Variants in PIK3R6 observed in about 807,000 individuals in gnomAD.
PIK3R6 encodes the protein phosphoinositide 3-kinase regulatory subunit 6.
A neutral mutation model predicts 84.9 loss-of-function variants in PIK3R6; 91 were observed. That is an observed-to-expected ratio of 1.07 (90% CI 0.90 to 1.28). The LOEUF (loss-of-function observed/expected upper bound fraction) is 1.28, where lower values mean the gene tolerates loss of function less well. Ranked by LOEUF, PIK3R6 falls within the 50% of genes most tolerant of loss-of-function variation. The pLI, the probability that PIK3R6 is intolerant of heterozygous loss-of-function variation, is 0.00. For missense variants in PIK3R6, 996 were observed against 985.1 expected (o/e 1.01, Z -0.15); for synonymous variants, 416 against 411.4 (o/e 1.01, Z -0.13).
Position 8,819,923 on chromosome 17 carries a change from A to T in PIK3R6, c.1880-725T>A, listed in dbSNP as rs1003641747. ...GTGTATACATACATATATATATTTT[A>T]TATATATATATATATTTTTATATAT... is the stretch of plus-strand genomic sequence containing the variant. On this transcript the variant is annotated intron_variant, in intron 17 of 19. Transcript: ENST00000619866. 7.7e-3 allele frequency among the ~76,000 whole-genome samples: 604 copies of T among 78,408 alleles called. 4 individuals are homozygous for T. The highest frequency in any genetic ancestry group is 0.036 in the African/African-American group (552 of 15,474). The allele number at this position is 78,408 out of a possible 152,430, so 51.4% of individuals were successfully genotyped here.
intron 2 of PIK3R6, among the ~76,000 whole-genome samples, chr17:8,843,609 G>A (rs1473857065): frequency 1.3e-5 from 2 of 151,880 alleles, no homozygotes; most frequent in Non-Finnish European, 2.9e-5. Flanking sequence ...GGCTTGCTAT[G>A]TGTTTTGTTT....
chr17:8,823,282 G>T, intron 14 of PIK3R6, 105 bp downstream of exon 14: 1 of 887,592 alleles, frequency 1.1e-6, no homozygotes. Context: ...AAGAGCGTCT[G>T]GGTGTGTTCA....
intron 10 of PIK3R6, 53 bp downstream of exon 10, chr17:8,829,649 TACAC>T (rs1450168347): frequency 8.0e-6 from 12 of 1,491,190 alleles, no homozygotes; most frequent in Middle Eastern, 3.4e-4. Context: ...CATGCACGCA[TACAC>T]ACACAGACAC....
rs548317730 is a variant in PIK3R6, at chr17:8,830,116, C to A, written c.803-324G>T. On this transcript the variant is annotated intron_variant, in intron 9 of 19. Transcript: ENST00000619866. ...CCATGCCTTCAGCCCTGTGCAGCTG[C>A]CAGACTGGCTTTCCCACTGTTCTTA... 1.1e-4 allele frequency among the ~76,000 whole-genome samples: 17 copies of A among 152,372 alleles called. 1 individual carries two copies. In the East Asian group the frequency reaches 3.3e-3, roughly 29 times the overall value.
intron 1 of PIK3R6, among the ~76,000 whole-genome samples, chr17:8,861,764 A>G (rs558770365): frequency 2.0e-5 from 3 of 152,340 alleles, no homozygotes; most frequent in Non-Finnish European, 4.4e-5. Flanking sequence ...TGCCAAGGGG[A>G]TGCCTAAGAC....
At chr17:8,811,770 C>T (rs934770690) in intron 18 of PIK3R6, among the ~76,000 whole-genome samples, 12 of 148,172 alleles carry the variant, frequency 8.1e-5, no homozygotes, top group African/African-American at 3.0e-4. Flanking sequence ...ACATTTTGGG[C>T]AAAACCATTC....
In PIK3R6 at chr17:8,828,395, G is replaced by GCA. The variant is rs1369558380; in HGVS notation, c.1313+171_1313+172insTG. Among the ~76,000 whole-genome samples the GCA allele has an allele frequency of 0.028, 4,313 of 152,254 alleles. 325 individuals carry two copies. The East Asian group carries it at 0.3, about 10-fold the overall frequency. ...ACGGAGCTAACGAACACAAAGCAGG[G>GCA]ATTGCGGTGCTCTGTGACGGCTGCG... On this transcript the variant is annotated intron_variant, in intron 11 of 19. Transcript: ENST00000619866.
intron 18 of PIK3R6, among the ~76,000 whole-genome samples, chr17:8,815,905 A>AT (rs1375857462): frequency 3.3e-5 from 5 of 152,232 alleles, no homozygotes. Flanking sequence ...TGGGGTACAC[A>AT]TGTACACTAT....
intron 13 of PIK3R6, among the ~76,000 whole-genome samples, chr17:8,824,369 TGACTG>T (rs1161094909): frequency 6.6e-6 from 1 of 152,224 alleles, no homozygotes; most frequent in East Asian, 1.9e-4. Context: ...TAAAGCATAG[TGACTG>T]GGTTTTCAGA....
rs762337955 is a variant in PIK3R6, at chr17:8,838,621, C to G, written c.132G>C (p.Glu44Asp). ...GCACTGGGCTCTTACCGGGATCTCG[C>G]TCGACCTTCTTGTGCAGGGACCACC... ...MWRWSLHKKV[E>D]RDPGKSPVLV... The change falls in exon 4 of 20, where the codon GAG becomes GAC. Residue 44 changes from glutamate to aspartate, a missense_variant. Physicochemically the swap from Glu to Asp is conservative, Grantham distance 45. Coordinates refer to ENST00000619866, the MANE Select transcript of PIK3R6 (RefSeq NM_001010855.4). 5.0e-6 allele frequency: 8 copies of G among 1,606,750 alleles called. No individual in the cohort carries two copies. The highest frequency in any genetic ancestry group is 6.8e-6 in the Non-Finnish European group (8 of 1,176,692).
rs2088468404 is a variant in PIK3R6, at chr17:8,836,429, G to GGTCT, written c.461+114_461+117dup. On this transcript the variant is annotated intron_variant, in intron 7 of 19. Transcript: ENST00000619866. The stretch of plus-strand genomic sequence containing the variant: ...GCTGGACAAATATCATGGCTGGGGA[G>GGTCT]GTCTGCTAGGGCTCTTCTTAATCCA... 4 of 1,046,352 alleles carry GGTCT rather than the reference G, an allele frequency of 3.8e-6. No individual in the cohort carries two copies. In the Admixed American group the frequency reaches 8.0e-5, roughly 21 times the overall value. 64.8% of individuals were successfully genotyped at this position (1,046,352 alleles called of 1,614,324 possible).
intron 8 of PIK3R6, among the ~76,000 whole-genome samples, chr17:8,834,120 G>GCACTC (rs2088367157): frequency 7.1e-6 from 1 of 140,798 alleles, no homozygotes; most frequent in Non-Finnish European, 1.5e-5. Flanking sequence ...TCACGCCACT[G>GCACTC]CACTCCAGCC....
chr17:8,822,565 G>A, intron 16 of PIK3R6, 22 bp downstream of exon 16: 1 of 1,613,348 alleles, frequency 6.2e-7, no homozygotes, highest in Non-Finnish European at 8.5e-7. Context: ...GCTACCTACT[G>A]ACCACGTCCA....
intron 18 of PIK3R6, among the ~76,000 whole-genome samples, chr17:8,816,956 T>C (rs1342272950): frequency 6.6e-6 from 1 of 152,200 alleles, no homozygotes; most frequent in Non-Finnish European, 1.5e-5. Flanking sequence ...CCTAAGGAAA[T>C]TGCTCACACT....
chr17:8,861,818 A>T (rs1273988763), intron 1 of PIK3R6, among the ~76,000 whole-genome samples: 1 of 152,190 alleles, frequency 6.6e-6, no homozygotes, highest in Non-Finnish European at 1.5e-5. Flanking sequence ...AGCCAAGGAG[A>T]AGCTGTCAAG....
intron 1 of PIK3R6, among the ~76,000 whole-genome samples, chr17:8,852,861 G>A (rs544567155): frequency 8.5e-5 from 13 of 152,226 alleles, no homozygotes; most frequent in African/African-American, 3.1e-4. Flanking sequence ...AGAGAAATTA[G>A]TATAGCCTTT....
chr17:8,866,231 T>A (rs1211359544), intron 1 of PIK3R6, among the ~76,000 whole-genome samples: 1 of 151,988 alleles, frequency 6.6e-6, no homozygotes, highest in Non-Finnish European at 1.5e-5. Context: ...GAAAACCACA[T>A]AGAGCTAAAT....
chr17:8,833,211 C>T (rs544675284), intron 8 of PIK3R6, among the ~76,000 whole-genome samples, 166 bp from the exon 9 acceptor site: 1 of 152,376 alleles, frequency 6.6e-6, no homozygotes, highest in South Asian at 2.1e-4. Flanking sequence ...ACATCCAGGG[C>T]CCTATGCCTG....
chr17:8,823,480 T>A lies in PIK3R6; in HGVS notation c.1533A>T (p.Thr511=). The change falls in exon 14 of 20, where the codon ACA becomes ACT. Residue 511 remains threonine, a synonymous_variant. Coordinates refer to ENST00000619866, the MANE Select transcript of PIK3R6 (RefSeq NM_001010855.4). ...KLAEMPPSLD[T]SRTVDPFILD... is the part of the protein sequence containing the mutation. ...GGATGAAGGGGTCCACAGTCCGGGA[T>A]GTGTCCAGGGAAGGAGGCTGTGATG... The A allele has an allele frequency of 1.9e-6, 3 of 1,611,738 alleles. No homozygotes were observed. Among genetic ancestry groups the A allele is most frequent in the Non-Finnish European group, 2.5e-6 (3 of 1,178,090 alleles).
Sources: allele counts gnomAD v4.1 joint callset (sites outside exome capture counted in the v4.1 genomes callset), GRCh38; gene constraint gnomAD v4.1.1; transcripts MANE v1.5; gene names NCBI Gene and HGNC (gene_info 2026-07-23, HGNC 2026-07-21).